Variants in ANO3 observed in about 807,000 individuals in gnomAD.
ANO3 encodes anoctamin-3.
In ANO3, 99 loss-of-function variants were observed where a neutral mutation model predicts 144.8. That is an observed-to-expected ratio of 0.68 (90% CI 0.58 to 0.81). The LOEUF (loss-of-function observed/expected upper bound fraction) is 0.81. Among genes scored for constraint, ANO3 ranks in the 30% least tolerant of loss-of-function variants. The pLI is 0.00. For synonymous variants in ANO3, 414 were observed against 392.6 expected, an observed-to-expected ratio of 1.05 and a Z score of -0.64; for missense variants, 905 against 1,202.2, an observed-to-expected ratio of 0.75 and a Z score of 3.66.
At chr11:26,427,883 G>A (rs1017432936) in intron 1 of ANO3, among the ~76,000 whole-genome samples, 9 of 152,140 alleles carry the variant, frequency 5.9e-5, no homozygotes, top group African/African-American at 1.9e-4. Flanking sequence ...CTGAAGCAGT[G>A]AGGAAAGCTC....
At chr11:26,308,987 ATATAGT>A (rs1030201879), upstream of ANO3, among the ~76,000 whole-genome samples, 1 of 152,206 alleles carries the variant, frequency 6.6e-6, no homozygotes, top group East Asian at 1.9e-4. Flanking sequence ...CCCTAAGTTC[ATATAGT>A]TAGAGTGATG....
chr11:26,229,682 A>G (rs1852347286), intron 1 of ANO3, among the ~76,000 whole-genome samples: 1 of 152,086 alleles, frequency 6.6e-6, no homozygotes, highest in African/African-American at 2.4e-5. Flanking sequence ...CATCAGCAAC[A>G]TTTCCTGGGT....
At chr11:26,398,536 T>C (rs1857072652) in intron 1 of ANO3, among the ~76,000 whole-genome samples, 1 of 152,142 alleles carries the variant, frequency 6.6e-6, no homozygotes, top group Non-Finnish European at 1.5e-5. Context: ...GAATTATATT[T>C]CTTCCGTATA....
intron 1 of ANO3, among the ~76,000 whole-genome samples, chr11:26,294,254 G>T (rs551275863): frequency 2.6e-5 from 4 of 152,118 alleles, no homozygotes; most frequent in African/African-American, 4.8e-5. Context: ...CATGAATTCC[G>T]TAAGACTGTT....
chr11:26,617,860 C>T (rs60600602), intron 17 of ANO3, among the ~76,000 whole-genome samples: 23,151 of 152,146 alleles, frequency 0.15, 2,058 homozygotes, highest in East Asian at 0.33. Context: ...TGTTAAAGCA[C>T]ATCACAGATT....
At chr11:26,298,177 A>G (rs1367026325) in intron 1 of ANO3, among the ~76,000 whole-genome samples, 1 of 152,190 alleles carries the variant, frequency 6.6e-6, no homozygotes, top group African/African-American at 2.4e-5. Context: ...GGACTTAGAT[A>G]TGTAGCCAAA....
At chr11:26,226,141 C>T (rs1049449307) in intron 1 of ANO3, among the ~76,000 whole-genome samples, 2 of 152,036 alleles carry the variant, frequency 1.3e-5, no homozygotes, top group Non-Finnish European at 2.9e-5. Flanking sequence ...ACTTTCCTTT[C>T]TGGACACTAC....
chr11:26,611,701 G>T (rs1285637516), intron 17 of ANO3, among the ~76,000 whole-genome samples: 1 of 152,004 alleles, frequency 6.6e-6, no homozygotes, highest in East Asian at 1.9e-4. Context: ...GTTGAGGGTG[G>T]GGTGTTGAAG....
intron 1 of ANO3, among the ~76,000 whole-genome samples, chr11:26,201,662 A>G (rs1851694698): frequency 6.6e-6 from 1 of 152,052 alleles, no homozygotes; most frequent in African/African-American, 2.4e-5. Flanking sequence ...CAATATGTTC[A>G]AGAATATAGA....
chr11:26,638,347 C>G (rs971025804), intron 20 of ANO3, among the ~76,000 whole-genome samples: 2 of 152,184 alleles, frequency 1.3e-5, no homozygotes, highest in African/African-American at 4.8e-5. Flanking sequence ...TAGCACTTCA[C>G]CTTTGTGATT....
intron 4 of ANO3, among the ~76,000 whole-genome samples, chr11:26,471,554 A>G (rs1225712981): frequency 6.6e-6 from 1 of 151,908 alleles, no homozygotes; most frequent in Non-Finnish European, 1.5e-5. Context: ...TACCAATCAA[A>G]ATATGAAATA....
chr11:26,656,008 G>A (rs1853675882), intron 24 of ANO3, 117 bp from the exon 25 acceptor site: 5 of 819,994 alleles, frequency 6.1e-6, no homozygotes, highest in African/African-American at 1.7e-5. Context: ...GTTGCTAAAA[G>A]TTTATCATTA....
intron 4 of ANO3, among the ~76,000 whole-genome samples, chr11:26,507,222 C>T (rs1378500072): frequency 6.6e-6 from 1 of 152,124 alleles, no homozygotes; most frequent in Non-Finnish European, 1.5e-5. Context: ...AAATTCCTTA[C>T]AGCAAATAAG....
intron 1 of ANO3, among the ~76,000 whole-genome samples, chr11:26,332,985 CTT>C (rs1225144849): frequency 6.6e-6 from 1 of 152,154 alleles, no homozygotes; most frequent in Admixed American, 6.5e-5. Context: ...TATCCTCACT[CTT>C]TGATCTTTGT....
chr11:26,435,209 G>C (rs1393479822), intron 1 of ANO3, among the ~76,000 whole-genome samples: 1 of 152,096 alleles, frequency 6.6e-6, no homozygotes, highest in Non-Finnish European at 1.5e-5. Context: ...TGAAATGCTT[G>C]GTTGAAGATA....
At chr11:26,316,330 T>C (rs1854624593) in intron 1 of ANO3, among the ~76,000 whole-genome samples, 1 of 152,150 alleles carries the variant, frequency 6.6e-6, no homozygotes, top group African/African-American at 2.4e-5. Context: ...TAGTGAGGGA[T>C]TTAGGGTCAT....
chr11:26,404,545 T>C (rs1590331844), intron 1 of ANO3, among the ~76,000 whole-genome samples: 2 of 151,856 alleles, frequency 1.3e-5, no homozygotes, highest in African/African-American at 4.8e-5. Context: ...CATGCAACGT[T>C]CCCGAAATAT....
At chr11:26,487,991 C>G (rs1377662844) in intron 4 of ANO3, among the ~76,000 whole-genome samples, 1 of 152,082 alleles carries the variant, frequency 6.6e-6, no homozygotes. Flanking sequence ...CATGTTGAAA[C>G]CCCATCTCTA....
chr11:26,415,391 T>C (rs952473891), intron 1 of ANO3, among the ~76,000 whole-genome samples: 4 of 151,996 alleles, frequency 2.6e-5, no homozygotes, highest in Non-Finnish European at 5.9e-5. Context: ...CTGATTCTAG[T>C]GCCATTCTTT....
Sources: gnomAD v4.1 joint callset for allele counts (sites outside exome capture counted in the v4.1 genomes callset) on GRCh38, gnomAD v4.1.1 for gene constraint, MANE v1.5 for transcripts, NCBI Gene and HGNC (gene_info 2026-07-23, HGNC 2026-07-21) for gene names.